Variants in TMEM132D observed in about 807,000 individuals in gnomAD.
TMEM132D encodes transmembrane protein 132D, also known as mature OL transmembrane protein.
TMEM132D carries 21 observed loss-of-function variants against 62.3 expected under a neutral mutation model. The observed-to-expected ratio is 0.34, with a 90% confidence interval of 0.24 to 0.49. TMEM132D has a LOEUF of 0.49. TMEM132D is among the 20% of genes least tolerant of loss of function. The probability of loss-of-function intolerance (pLI) is 0.99; values close to 1 mark genes in which losing one functional copy is unlikely to be tolerated. For synonymous variants in TMEM132D, 621 were observed against 575.6 expected, an observed-to-expected ratio of 1.08 and a Z score of -1.13; for missense variants, 1,346 against 1,402.8, an observed-to-expected ratio of 0.96 and a Z score of 0.65.
intron 3 of TMEM132D, among the ~76,000 whole-genome samples, chr12:129,385,475 T>TTTAACCAAGA (rs1871084871): frequency 6.6e-6 from 1 of 152,168 alleles, no homozygotes; most frequent in South Asian, 2.1e-4. Context: ...CTTTTACATC[T>TTTAACCAAGA]TGGTTATTCC....
intron 1 of TMEM132D, among the ~76,000 whole-genome samples, chr12:129,739,679 T>A (rs374945357): frequency 5.9e-5 from 9 of 152,182 alleles, no homozygotes; most frequent in South Asian, 2.1e-4. Flanking sequence ...TTCACGTTCA[T>A]TCCTCAGAGG....
intron 4 of TMEM132D, among the ~76,000 whole-genome samples, chr12:129,249,156 T>A (rs904402463): frequency 1.3e-5 from 2 of 152,196 alleles, no homozygotes; most frequent in African/African-American, 4.8e-5. Flanking sequence ...TGAAATCAGC[T>A]TGGGACCTGC....
chr12:129,508,650 A>T (rs1412085279), intron 3 of TMEM132D, among the ~76,000 whole-genome samples: 2 of 152,162 alleles, frequency 1.3e-5, no homozygotes, highest in Non-Finnish European at 2.9e-5. Flanking sequence ...CGATCTCACC[A>T]GATTATTATA....
chr12:129,663,674 G>T (rs781430118), intron 2 of TMEM132D, among the ~76,000 whole-genome samples: 4 of 152,172 alleles, frequency 2.6e-5, no homozygotes, highest in Non-Finnish European at 4.4e-5. Context: ...GCAGTTTCTG[G>T]CAGGGTGACC....
At chr12:129,135,906 A>G (rs1041688269) in intron 5 of TMEM132D, among the ~76,000 whole-genome samples, 1 of 152,206 alleles carries the variant, frequency 6.6e-6, no homozygotes, top group African/African-American at 2.4e-5. Context: ...TAAAGACACT[A>G]GCCATATTGG....
At chr12:129,403,415 TA>T (rs1403520244) in intron 3 of TMEM132D, among the ~76,000 whole-genome samples, 2 of 151,382 alleles carry the variant, frequency 1.3e-5, no homozygotes, top group Admixed American at 1.3e-4. Context: ...ACACAGATGT[TA>T]GGGGTGACTG....
chr12:129,083,588 C>G (rs1344954866), intron 6 of TMEM132D, among the ~76,000 whole-genome samples: 1 of 152,208 alleles, frequency 6.6e-6, no homozygotes, highest in African/African-American at 2.4e-5. Context: ...GTCCTTGAAG[C>G]ATCCCCTCTC....
chr12:129,851,777 G>A (rs1012656397), intron 1 of TMEM132D, among the ~76,000 whole-genome samples: 2 of 152,174 alleles, frequency 1.3e-5, no homozygotes, highest in Non-Finnish European at 2.9e-5. Flanking sequence ...TAAAGGGCCA[G>A]AGAGTCAATA....
intron 3 of TMEM132D, among the ~76,000 whole-genome samples, chr12:129,435,399 A>C (rs552916560): frequency 6.6e-6 from 1 of 152,144 alleles, no homozygotes; most frequent in African/African-American, 2.4e-5. Flanking sequence ...CCTACATACT[A>C]ATGTCCATAG....
chr12:129,654,726 T>C (rs902996281), intron 2 of TMEM132D, among the ~76,000 whole-genome samples: 2 of 152,196 alleles, frequency 1.3e-5, no homozygotes, highest in African/African-American at 4.8e-5. Context: ...GGATAAATGC[T>C]GTTCTCTGGT....
intron 4 of TMEM132D, among the ~76,000 whole-genome samples, chr12:129,231,264 G>A (rs1051577120): frequency 2.0e-4 from 30 of 152,204 alleles, no homozygotes; most frequent in Non-Finnish European, 2.9e-5. Flanking sequence ...CCTTGAATCA[G>A]CATTGAAGTC....
intron 5 of TMEM132D, chr12:129,084,961 C>A (rs1874570398): frequency 1.8e-6 from 1 of 542,008 alleles, no homozygotes; most frequent in Non-Finnish European, 3.2e-6. Flanking sequence ...GGACTCCTCC[C>A]CAGGGGCTGC....
At chr12:129,501,388 C>T (rs543149590) in intron 3 of TMEM132D, among the ~76,000 whole-genome samples, 1 of 152,290 alleles carries the variant, frequency 6.6e-6, no homozygotes, top group South Asian at 2.1e-4. Context: ...AAATCTGATT[C>T]TATCGCAGAG....
intron 3 of TMEM132D, among the ~76,000 whole-genome samples, chr12:129,370,654 G>T (rs1157104315): frequency 6.6e-6 from 1 of 152,096 alleles, no homozygotes; most frequent in African/African-American, 2.4e-5. Context: ...ATGGATAAAT[G>T]GATAAACAGA....
intron 3 of TMEM132D, among the ~76,000 whole-genome samples, chr12:129,348,995 A>G (rs1461152069): frequency 6.6e-6 from 1 of 152,092 alleles, no homozygotes; most frequent in Non-Finnish European, 1.5e-5. Context: ...TCATCCCAAA[A>G]CTGTACTGTC....
rs573005240 is a variant in TMEM132D, at chr12:129,455,435, G to A, written c.1115+75624C>T. On this transcript the variant is annotated intron_variant, in intron 3 of 8. Coordinates refer to ENST00000422113, the MANE Select transcript of TMEM132D (RefSeq NM_133448.3). ...GAGATGATGTATGTAGGATGATAGA[G>A]TTACTCTTTTAAAAAACACAGATTT... 5.9e-5 allele frequency among the ~76,000 whole-genome samples: 9 copies of A among 152,316 alleles called. No homozygotes were observed. The South Asian group carries it at 1.9e-3, about 32-fold the overall frequency.
intron 4 of TMEM132D, among the ~76,000 whole-genome samples, chr12:129,291,321 G>A (rs1005249041): frequency 6.6e-6 from 1 of 152,182 alleles, no homozygotes; most frequent in Non-Finnish European, 1.5e-5. Flanking sequence ...CAGCTTGTAG[G>A]TTAAAAGTAA....
At chr12:129,705,244 A>G (rs1881476244) in intron 1 of TMEM132D, among the ~76,000 whole-genome samples, 1 of 152,220 alleles carries the variant, frequency 6.6e-6, no homozygotes, top group Non-Finnish European at 1.5e-5. Flanking sequence ...AAAAGAAACG[A>G]AAACATTCCC....
At chr12:129,155,569 G>C (rs1030171909) in intron 5 of TMEM132D, among the ~76,000 whole-genome samples, 2 of 152,186 alleles carry the variant, frequency 1.3e-5, no homozygotes, top group African/African-American at 4.8e-5. Flanking sequence ...AGACATTTAT[G>C]TCTCACAGTT....
Sources: gnomAD v4.1 joint callset for allele counts (sites outside exome capture counted in the v4.1 genomes callset) on GRCh38, gnomAD v4.1.1 for gene constraint, MANE v1.5 for transcripts, NCBI Gene and HGNC (gene_info 2026-07-23, HGNC 2026-07-21) for gene names.